The following GPAM variants were observed in gnomAD, a reference collection of about 807,000 sequenced individuals.
The protein encoded by GPAM is glycerol-3-phosphate acyltransferase 1, mitochondrial.
A neutral mutation model predicts 105.0 loss-of-function variants in GPAM; 56 were observed. The observed-to-expected ratio is 0.53, with a 90% CI of 0.43 to 0.67. The LOEUF (loss-of-function observed/expected upper bound fraction) is 0.67. Ranked by LOEUF, GPAM falls within the 30% of genes least tolerant of loss-of-function variation. The pLI, the probability that GPAM is intolerant of heterozygous loss-of-function variation, is 0.00. For missense variants in GPAM, 855 were observed against 989.8 expected, an observed-to-expected ratio of 0.86 and a Z score of 1.83; for synonymous variants, 368 against 354.4, an observed-to-expected ratio of 1.04 and a Z score of -0.43.
At chr10:112,161,590 C>G in intron 15 of GPAM, 77 bp downstream of exon 15, 1 of 1,199,566 alleles carries the variant, frequency 8.3e-7, no homozygotes, top group Non-Finnish European at 1.2e-6. Flanking sequence ...CCAAATCTGC[C>G]CCTGAGTATG....
chr10:112,198,606 G>C (rs970089838), intron 1 of GPAM, among the ~76,000 whole-genome samples: 6 of 152,184 alleles, frequency 3.9e-5, no homozygotes, highest in African/African-American at 1.4e-4. Context: ...ATGGAAAACA[G>C]TATGGGGTGG....
upstream of GPAM, among the ~76,000 whole-genome samples, chr10:112,218,320 T>C (rs182143969): frequency 2.0e-5 from 3 of 152,228 alleles, no homozygotes; most frequent in Non-Finnish European, 2.9e-5. Context: ...CAGGGGAAGA[T>C]GGCTACAAAG....
intron 15 of GPAM, 144 bp from the exon 16 acceptor site, chr10:112,161,012 A>G: frequency 1.4e-6 from 1 of 705,540 alleles, no homozygotes; most frequent in South Asian, 1.6e-5. Flanking sequence ...CAGAACACCA[A>G]TGCAGAGCGA....
Position 112,152,338 on chromosome 10 carries a change from A to G in GPAM, c.*1212T>C. ...AAAGGCACCTACCAATTATGAACAG[A>G]CCATTTTTCATAATTATTTACCACT... On this transcript the variant is annotated 3_prime_UTR_variant, in exon 22 of 22. Coordinates refer to ENST00000348367, the MANE Select transcript of GPAM (RefSeq NM_001244949.2). 2.0e-6 allele frequency: 2 copies of G among 984,414 alleles called. No homozygotes were observed. Among genetic ancestry groups the G allele is most frequent in the Non-Finnish European group, 2.4e-6 (2 of 828,968 alleles). The allele number at this position is 984,414 out of a possible 1,614,324, so 61.0% of individuals were successfully genotyped here. A position where few individuals can be genotyped will look rare whatever the true frequency, so the allele number is the denominator to read the frequency against.
chr10:112,181,270 T>C (rs1316778422), intron 3 of GPAM, among the ~76,000 whole-genome samples: 1 of 151,588 alleles, frequency 6.6e-6, no homozygotes, highest in East Asian at 1.9e-4. Context: ...GGAAAAACAA[T>C]CCAAGAAAAT....
At chr10:112,208,211 G>A (rs572705405) in intron 1 of GPAM, among the ~76,000 whole-genome samples, 6 of 152,286 alleles carry the variant, frequency 3.9e-5, no homozygotes, top group South Asian at 2.1e-4. Context: ...ATAAATCAAC[G>A]TACTGGCATC....
chr10:112,165,146 A>T (rs1194860887), intron 12 of GPAM, among the ~76,000 whole-genome samples: 1 of 152,226 alleles, frequency 6.6e-6, no homozygotes, highest in Non-Finnish European at 1.5e-5. Flanking sequence ...GAATCTCTTA[A>T]AGTTAAGCCA....
intron 1 of GPAM, among the ~76,000 whole-genome samples, chr10:112,189,755 C>T (rs1847634726): frequency 6.6e-6 from 1 of 152,178 alleles, no homozygotes; most frequent in African/African-American, 2.4e-5. Flanking sequence ...GGCACCGCTT[C>T]CTTTTCCGTT....
intron 17 of GPAM, 24 bp from the exon 18 acceptor site, chr10:112,158,417 A>T: frequency 1.4e-6 from 2 of 1,393,138 alleles, no homozygotes; most frequent in Non-Finnish European, 2.0e-6. Context: ...TCATTTAAAT[A>T]TAAATGCCAC....
chr10:112,209,551 C>T (rs2133304493), intron 1 of GPAM, among the ~76,000 whole-genome samples: 1 of 152,222 alleles, frequency 6.6e-6, no homozygotes, highest in South Asian at 2.1e-4. Flanking sequence ...TGCAGATGTC[C>T]AAGTGGGAAC....
Position 112,173,000 on chromosome 10 carries a change from A to G in GPAM, c.627T>C (p.Gly209=), listed in dbSNP as rs751779834. 2 of 1,604,692 alleles carry G rather than the reference A, an allele frequency of 1.2e-6. No individual in the cohort carries two copies. The highest frequency in any genetic ancestry group is 1.7e-6 in the Non-Finnish European group (2 of 1,171,526). The change falls in exon 8 of 22, where the codon GGT becomes GGC. Residue 209 remains glycine (G), a synonymous_variant. Coordinates refer to ENST00000348367, the MANE Select transcript of GPAM (RefSeq NM_001244949.2). ...TTGCAGCTTTAACCATCTCAAGTTG[A>G]CCTTTGTGAATTTGAATGTTCCAAA... The part of the protein sequence containing the change: ...SFFWNIQIHK[G]QLEMVKAATE...
At chr10:112,167,739 G>C (rs1440464949) in intron 11 of GPAM, among the ~76,000 whole-genome samples, 1 of 152,206 alleles carries the variant, frequency 6.6e-6, no homozygotes, top group Non-Finnish European at 1.5e-5. Flanking sequence ...GGGTTTCAAA[G>C]GTCCTGGTAA....
At chr10:112,218,554 A>G (rs1847992721), upstream of GPAM, among the ~76,000 whole-genome samples, 1 of 152,224 alleles carries the variant, frequency 6.6e-6, no homozygotes, top group Non-Finnish European at 1.5e-5. Context: ...TCTTGGTGCA[A>G]GAAAGAATTT....
chr10:112,151,535 A>G lies in GPAM; in HGVS notation c.*2015T>C, dbSNP rs999526591. 10 of 985,652 alleles carry G rather than the reference A, an allele frequency of 1.0e-5. No homozygotes were observed. The East Asian group carries it at 1.1e-3, about 112-fold the overall frequency. 61.1% of individuals were successfully genotyped at this position (985,652 alleles called of 1,614,324 possible). A position where few individuals can be genotyped will look rare whatever the true frequency, so the allele number is the denominator to read the frequency against. Reference sequence around the variant, plus strand: ...AGAGAGCTAGCAAATCATACATTGCATTCCCCAAAGCATCTGAACGTACTT... The same window carrying G: ...AGAGAGCTAGCAAATCATACATTGCGTTCCCCAAAGCATCTGAACGTACTT... On this transcript the variant is annotated 3_prime_UTR_variant, in exon 22 of 22. Coordinates refer to ENST00000348367, the MANE Select transcript of GPAM (RefSeq NM_001244949.2).
rs1337323051 is a variant in GPAM, at chr10:112,163,722, G to A, written c.1402C>T (p.Leu468=). The A allele has an allele frequency of 3.2e-6, 5 of 1,548,606 alleles. No individual in the cohort carries two copies. The East Asian group carries it at 9.0e-5, about 28-fold the overall frequency. ...ESLRRRLIAN[L]AEHILFTASK... is the part of the protein sequence containing the mutation. ...TTACTGAATAGAATATGCTCAGCCA[G>A]ATTTGCAATCAACCTCCTTCGTAGG... Residue 468 remains leucine (L), a synonymous_variant, in exon 14 of 22, where the codon CTG becomes TTG. Coordinates refer to ENST00000348367, the MANE Select transcript of GPAM (RefSeq NM_001244949.2).
chr10:112,150,149 ATGCCAGACGGCAAG>A lies in GPAM; in HGVS notation c.*3387_*3400del. 16 of 984,694 alleles carry A rather than the reference ATGCCAGACGGCAAG, an allele frequency of 1.6e-5. No individual in the cohort carries two copies. Among genetic ancestry groups the A allele is most frequent in the Non-Finnish European group, 1.9e-5 (16 of 829,244 alleles). The allele number at this position is 984,694 out of a possible 1,614,324, so 61.0% of individuals were successfully genotyped here. Reference sequence around the variant, plus strand: ...AATCATTAGTTTGTATTAAACTAAAATGCCAGACGGCAAGTCTCAGGTTTCTAAAATAGTTTTAA... The same window carrying A: ...AATCATTAGTTTGTATTAAACTAAAATCTCAGGTTTCTAAAATAGTTTTAA... On this transcript the variant is annotated 3_prime_UTR_variant, in exon 22 of 22. Transcript: ENST00000348367.
chr10:112,166,654 A>G, intron 11 of GPAM, 139 bp from the exon 12 acceptor site: 1 of 700,636 alleles, frequency 1.4e-6, no homozygotes. Context: ...GAAGGAAAGG[A>G]GGTAATCATT....
chr10:112,193,970 A>T (rs1002847705), intron 1 of GPAM, among the ~76,000 whole-genome samples: 1 of 152,180 alleles, frequency 6.6e-6, no homozygotes, highest in Admixed American at 6.5e-5. Context: ...TGTTCTAGGG[A>T]GAGTGACTAT....
At chr10:112,166,036 T>A (rs1847210490) in intron 12 of GPAM, among the ~76,000 whole-genome samples, 1 of 152,196 alleles carries the variant, frequency 6.6e-6, no homozygotes, top group South Asian at 2.1e-4. Context: ...TTCTTCTCTT[T>A]TAGTTATTTT....
Sources: allele counts gnomAD v4.1 joint callset (sites outside exome capture counted in the v4.1 genomes callset), GRCh38; gene constraint gnomAD v4.1.1; transcripts MANE v1.5; gene names NCBI Gene and HGNC (gene_info 2026-07-23, HGNC 2026-07-21).